The following RAB38 variants were observed in gnomAD, a reference collection of about 807,000 sequenced individuals.
The protein encoded by RAB38 is ras-related protein Rab-38.
Under a neutral mutation model 18.4 loss-of-function variants are expected in RAB38, and 15 were observed. That is an observed-to-expected ratio of 0.82 (90% CI 0.55 to 1.26). The LOEUF (loss-of-function observed/expected upper bound fraction) is 1.26, where lower values mean the gene tolerates loss of function less well. RAB38 is among the 50% of genes most tolerant of loss of function. RAB38 has a pLI of 0.00. For synonymous variants in RAB38, 101 were observed against 104.4 expected (o/e 0.97, Z 0.20); for missense variants, 294 against 267.4 (o/e 1.10, Z -0.69).
chr11:88,006,338 G>A, the RAB38 span, among the ~76,000 whole-genome samples: 3 of 151,356 alleles, frequency 2.0e-5, no homozygotes, highest in Non-Finnish European at 4.4e-5. Flanking sequence ...ATGTAAATTA[G>A]CATAGCCATT....
chr11:88,043,819 G>A, the RAB38 span, among the ~76,000 whole-genome samples: 2 of 152,118 alleles, frequency 1.3e-5, no homozygotes, highest in African/African-American at 4.8e-5. Context: ...CGCCATGGCT[G>A]GGATCAGGGG....
the RAB38 span, among the ~76,000 whole-genome samples, chr11:88,038,085 G>T: frequency 6.6e-6 from 1 of 151,998 alleles, no homozygotes; most frequent in Middle Eastern, 3.2e-3. Context: ...TATATTAATG[G>T]CATTTTTTGA....
the RAB38 span, among the ~76,000 whole-genome samples, chr11:87,928,327 C>G: frequency 6.6e-6 from 1 of 151,814 alleles, no homozygotes; most frequent in Non-Finnish European, 1.5e-5. Flanking sequence ...AATGAAAACC[C>G]TGGGGAGAGT....
chr11:88,096,464 A>G, the RAB38 span, among the ~76,000 whole-genome samples: 1 of 151,814 alleles, frequency 6.6e-6, no homozygotes, highest in Non-Finnish European at 1.5e-5. Flanking sequence ...TTACGTGTCT[A>G]CCTTTCTCTG....
chr11:88,013,359 T>C, the RAB38 span, among the ~76,000 whole-genome samples: 2 of 152,292 alleles, frequency 1.3e-5, no homozygotes, highest in African/African-American at 2.4e-5. Flanking sequence ...AGTAAGTATA[T>C]GTTCAACAGA....
At chr11:88,061,637 T>C in the RAB38 span, 1 of 152,168 alleles carries the variant, frequency 6.6e-6, no homozygotes, top group Non-Finnish European at 1.5e-5. Context: ...ACCTTTATTG[T>C]CTATAGGAAG....
downstream of RAB38, among the ~76,000 whole-genome samples, chr11:88,109,268 G>C (rs537734142): frequency 6.6e-6 from 1 of 152,074 alleles, no homozygotes; most frequent in Admixed American, 6.6e-5. Context: ...CAAGCCATGC[G>C]GAAAGGATTC....
the RAB38 span, among the ~76,000 whole-genome samples, chr11:88,013,708 G>A: frequency 3.3e-5 from 5 of 152,080 alleles, no homozygotes; most frequent in Admixed American, 3.3e-4. Flanking sequence ...CATAGGCCAA[G>A]TCCTATTATT....
At chr11:88,161,110 C>T (rs1226562961) in intron 1 of RAB38, among the ~76,000 whole-genome samples, 1 of 152,112 alleles carries the variant, frequency 6.6e-6, no homozygotes. Context: ...AAGAAAAATA[C>T]ACCTTCATTG....
the RAB38 span, among the ~76,000 whole-genome samples, chr11:87,907,623 T>C: frequency 6.6e-6 from 1 of 151,686 alleles, no homozygotes; most frequent in African/African-American, 2.4e-5. Context: ...AAACCATGGA[T>C]ATTTTTGACA....
the RAB38 span, among the ~76,000 whole-genome samples, chr11:87,941,237 A>ATATATATATATATATATG: frequency 3.1e-4 from 38 of 123,656 alleles, no homozygotes; most frequent in Non-Finnish European, 4.8e-4. Context: ...ATATATATAT[A>ATATATATATATATATATG]TATATATATG....
At chr11:88,027,676 G>A in the RAB38 span, among the ~76,000 whole-genome samples, 69 of 131,352 alleles carry the variant, frequency 5.3e-4, no homozygotes, top group African/African-American at 2.2e-3. Flanking sequence ...GGGGAGGGGC[G>A]CCCGCCATTG....
chr11:88,083,075 T>C, the RAB38 span, among the ~76,000 whole-genome samples: 1 of 151,840 alleles, frequency 6.6e-6, no homozygotes, highest in African/African-American at 2.4e-5. Context: ...GCTTTTGTAA[T>C]TACTATTCTC....
At chr11:88,062,114 T>C in the RAB38 span, 5 of 152,184 alleles carry the variant, frequency 3.3e-5, no homozygotes, top group African/African-American at 1.2e-4. Context: ...TAAATACTGA[T>C]ATGGTTTGGC....
chr11:88,173,574 G>A (rs1943336936), intron 1 of RAB38: 1 of 985,370 alleles, frequency 1.0e-6, no homozygotes, highest in Non-Finnish European at 1.2e-6. Flanking sequence ...GCTGTTACCT[G>A]GATTGTACAC....
chr11:87,855,936 G>T, the RAB38 span, among the ~76,000 whole-genome samples: 1 of 152,056 alleles, frequency 6.6e-6, no homozygotes, highest in East Asian at 1.9e-4. Context: ...AATCTTGGGG[G>T]TACAACACTC....
chr11:87,971,921 CGT>C, the RAB38 span, among the ~76,000 whole-genome samples: 21,438 of 93,486 alleles, frequency 0.23, 1,627 homozygotes, highest in Non-Finnish European at 0.27. Flanking sequence ...TGTGTAAAAG[CGT>C]TTTTTTTTTT....
chr11:87,847,891 G>T, the RAB38 span, among the ~76,000 whole-genome samples: 1 of 152,144 alleles, frequency 6.6e-6, no homozygotes, highest in Non-Finnish European at 1.5e-5. Context: ...AATATAATAT[G>T]GGGCAGAATA....
chr11:88,032,877 G>A, the RAB38 span, among the ~76,000 whole-genome samples: 2 of 152,310 alleles, frequency 1.3e-5, no homozygotes, highest in East Asian at 1.9e-4. Context: ...CCATTACTGG[G>A]TATATACCCA....
Sources: gnomAD v4.1 joint callset for allele counts (sites outside exome capture counted in the v4.1 genomes callset) on GRCh38, gnomAD v4.1.1 for gene constraint, MANE v1.5 for transcripts, NCBI Gene and HGNC (gene_info 2026-07-23, HGNC 2026-07-21) for gene names.